Variants in IMMP2L observed in about 807,000 individuals in gnomAD.
IMMP2L encodes mitochondrial inner membrane protease subunit 2.
IMMP2L carries 18 observed loss-of-function variants against 19.3 expected under a neutral mutation model. The observed-to-expected ratio is 0.93, with a 90% CI of 0.64 to 1.38. The LOEUF (loss-of-function observed/expected upper bound fraction) is 1.38, where lower values mean the gene tolerates loss of function less well. Among genes scored for constraint, IMMP2L ranks in the 40% most tolerant of loss-of-function variants. The pLI is 0.00. For missense variants in IMMP2L, 233 were observed against 218.2 expected, an observed-to-expected ratio of 1.07 and a Z score of -0.43; for synonymous variants, 76 against 73.0, an observed-to-expected ratio of 1.04 and a Z score of -0.21.
intron 3 of IMMP2L, among the ~76,000 whole-genome samples, chr7:110,997,056 C>T (rs1265882144): frequency 6.6e-6 from 1 of 152,014 alleles, no homozygotes; most frequent in Non-Finnish European, 1.5e-5. Flanking sequence ...TAGCCACACC[C>T]ACCTCCTTCC....
At chr7:111,343,522 G>A (rs995059784) in intron 3 of IMMP2L, among the ~76,000 whole-genome samples, 31 of 151,942 alleles carry the variant, frequency 2.0e-4, no homozygotes, top group Non-Finnish European at 3.8e-4. Flanking sequence ...GGCTCCCGGC[G>A]CACCCAGTGC....
At chr7:111,429,521 A>G (rs942946641) in intron 3 of IMMP2L, among the ~76,000 whole-genome samples, 10 of 151,578 alleles carry the variant, frequency 6.6e-5, no homozygotes, top group African/African-American at 2.4e-4. Context: ...ATACCTGTCC[A>G]CTATGTAATA....
At chr7:111,124,744 G>A (rs2129590209) in intron 3 of IMMP2L, 1 of 1,613,860 alleles carries the variant, frequency 6.2e-7, no homozygotes, top group East Asian at 2.2e-5. Flanking sequence ...CTGTGATGGT[G>A]GACACAGCTA....
chr7:110,823,632 A>G (rs961387567), intron 5 of IMMP2L, among the ~76,000 whole-genome samples: 6 of 152,094 alleles, frequency 3.9e-5, no homozygotes, highest in Non-Finnish European at 7.4e-5. Flanking sequence ...CTAACCTTAT[A>G]AAAGATCAGA....
intron 3 of IMMP2L, among the ~76,000 whole-genome samples, chr7:111,073,002 A>G (rs965477662): frequency 1.3e-5 from 2 of 152,154 alleles, no homozygotes; most frequent in African/African-American, 4.8e-5. Flanking sequence ...GGCTATAAGG[A>G]ACATTCTAGG....
In IMMP2L at chr7:110,728,852, T is replaced by C. The variant is rs937792921; in HGVS notation, c.409-65131A>G. On this transcript the variant is annotated intron_variant, in intron 5 of 5. Coordinates refer to ENST00000405709, the MANE Select transcript of IMMP2L (RefSeq NM_032549.4). This position sits in a 1 kb window ranked among gnomAD's most constrained non-coding sequence, Gnocchi z 4.6. ...AACTAGGACTTAAGGTCCTTGTCCA[T>C]GGTAATACAAATAGTATATGGTAGA... Among the ~76,000 whole-genome samples, 1 of 152,166 alleles carries C rather than the reference T, an allele frequency of 6.6e-6. No homozygotes were observed. The highest frequency in any genetic ancestry group is 2.4e-5 in the African/African-American group (1 of 41,444).
At chr7:111,302,255 C>T (rs1197721182) in intron 3 of IMMP2L, among the ~76,000 whole-genome samples, 1 of 152,108 alleles carries the variant, frequency 6.6e-6, no homozygotes, top group East Asian at 1.9e-4. Context: ...AAGTTTAATC[C>T]TCTACATATC....
intron 3 of IMMP2L, among the ~76,000 whole-genome samples, chr7:111,365,234 T>C (rs1056036322): frequency 1.3e-5 from 2 of 152,102 alleles, no homozygotes; most frequent in African/African-American, 4.8e-5. Context: ...ACGAAAGATG[T>C]AGGAGAAATA....
In IMMP2L at chr7:110,963,350, T is replaced by A. The variant is rs114408849; in HGVS notation, c.305+150A>T. 1,620 of 610,184 alleles carry A rather than the reference T, an allele frequency of 2.7e-3. 23 individuals are homozygous for A. Among genetic ancestry groups the A allele is most frequent in the African/African-American group, 0.026 (1,390 of 53,400 alleles). The allele number at this position is 610,184 out of a possible 1,614,324, so 37.8% of individuals were successfully genotyped here. A position where few individuals can be genotyped will look rare whatever the true frequency, so the allele number is the denominator to read the frequency against. On this transcript the variant is annotated intron_variant, in intron 4 of 5. Coordinates refer to ENST00000405709, the MANE Select transcript of IMMP2L (RefSeq NM_032549.4). ...TCTATATTCCTTACAACCTGAAAGGTTAATGATGCTCACTAAAGATGTACC... is the reference window on the plus strand; with the variant it reads ...TCTATATTCCTTACAACCTGAAAGGATAATGATGCTCACTAAAGATGTACC...
At chr7:110,742,296 G>T (rs907334839) in intron 5 of IMMP2L, among the ~76,000 whole-genome samples, 1 of 152,052 alleles carries the variant, frequency 6.6e-6, no homozygotes, top group African/African-American at 2.4e-5. Flanking sequence ...GCTTAAAAAT[G>T]TTTATATATC....
At chr7:111,228,750 C>T (rs1048908084) in intron 3 of IMMP2L, among the ~76,000 whole-genome samples, 1 of 151,940 alleles carries the variant, frequency 6.6e-6, no homozygotes, top group Non-Finnish European at 1.5e-5. Context: ...TGCAGAAGAA[C>T]TACATTTAAA....
intron 3 of IMMP2L, among the ~76,000 whole-genome samples, chr7:111,436,952 T>C (rs1837234171): frequency 6.6e-6 from 1 of 151,606 alleles, no homozygotes; most frequent in African/African-American, 2.4e-5. Context: ...TGCATGAACT[T>C]AGAGCAAGAA....
intron 3 of IMMP2L, among the ~76,000 whole-genome samples, chr7:111,445,223 G>C (rs1838204428): frequency 6.6e-6 from 1 of 151,908 alleles, no homozygotes; most frequent in Non-Finnish European, 1.5e-5. Flanking sequence ...GAACACTGCA[G>C]GACATTGTTT....
At chr7:110,881,822 C>T (rs1809670801) in intron 5 of IMMP2L, among the ~76,000 whole-genome samples, 1 of 152,164 alleles carries the variant, frequency 6.6e-6, no homozygotes. Context: ...GCATAAATCA[C>T]TTCATTCACA....
intron 3 of IMMP2L, among the ~76,000 whole-genome samples, chr7:111,432,569 C>T (rs1299453437): frequency 6.6e-6 from 1 of 151,646 alleles, no homozygotes; most frequent in East Asian, 1.9e-4. Context: ...CATACTTCAA[C>T]ATAATAAAGG....
chr7:111,340,095 T>C (rs74868482), intron 3 of IMMP2L, among the ~76,000 whole-genome samples: 3,022 of 151,348 alleles, frequency 0.02, 105 homozygotes, highest in African/African-American at 0.069. Context: ...GTGGAAAAAA[T>C]AGAAAAAAAA....
At chr7:111,200,798 G>C (rs1810021045) in intron 3 of IMMP2L, among the ~76,000 whole-genome samples, 1 of 151,892 alleles carries the variant, frequency 6.6e-6, no homozygotes, top group African/African-American at 2.4e-5. Context: ...GGAATAAAAG[G>C]AATTCCACAA....
intron 1 of IMMP2L, among the ~76,000 whole-genome samples, chr7:111,560,424 G>C (rs1791900826): frequency 6.6e-6 from 1 of 151,926 alleles, no homozygotes; most frequent in Admixed American, 6.6e-5. Context: ...CCTTCTTATG[G>C]AACAACTACA....
intron 3 of IMMP2L, among the ~76,000 whole-genome samples, chr7:111,113,584 G>A (rs1014121992): frequency 9.2e-5 from 14 of 151,974 alleles, no homozygotes; most frequent in Non-Finnish European, 2.1e-4. Context: ...AAAGAATGGA[G>A]ACTTCAAAGA....
Sources: gnomAD v4.1 joint callset for allele counts (sites outside exome capture counted in the v4.1 genomes callset) on GRCh38, gnomAD v4.1.1 for gene constraint, Gnocchi (gnomAD v3.1) non-coding constraint, MANE v1.5 for transcripts, NCBI Gene and HGNC (gene_info 2026-07-23, HGNC 2026-07-21) for gene names.